DIP2A: variants seen among roughly 807,000 people sequenced by gnomAD.
DIP2A encodes the protein disco-interacting protein 2 homolog A.
A neutral mutation model predicts 177.4 loss-of-function variants in DIP2A; 85 were observed. The ratio of observed to expected loss-of-function variants is 0.48; its 90% CI spans 0.40 to 0.57. The LOEUF is 0.57. Among genes scored for constraint, DIP2A ranks in the 20% least tolerant of loss-of-function variants. The pLI, the probability that DIP2A is intolerant of heterozygous loss-of-function variation, is 0.00. For missense variants in DIP2A, 1,791 were observed against 2,100.2 expected (o/e 0.85, Z 2.88); for synonymous variants, 886 against 881.8 (o/e 1.00, Z -0.08).
chr21:46,512,207 C>T (rs935175869), intron 8 of DIP2A, among the ~76,000 whole-genome samples: 2 of 152,138 alleles, frequency 1.3e-5, no homozygotes, highest in African/African-American at 4.8e-5. Context: ...TACTTACACA[C>T]TCTTAAGTAG....
downstream of DIP2A, among the ~76,000 whole-genome samples, chr21:46,571,454 A>G (rs1317484729): frequency 6.6e-6 from 1 of 152,194 alleles, no homozygotes; most frequent in African/African-American, 2.4e-5. Flanking sequence ...TGGTAGCTTG[A>G]TGGGGATAGC....
In DIP2A at chr21:46,539,929, G is replaced by A; in HGVS notation, c.1974G>A (p.Leu658=). The A allele has an allele frequency of 1.2e-6, 2 of 1,614,062 alleles. No homozygotes were observed. Among genetic ancestry groups the A allele is most frequent in the Non-Finnish European group, 1.7e-6 (2 of 1,179,898 alleles). ...AFLNVFQSRG[L]RPEVICPCAS... ...TCAACGTCTTCCAGTCCAGAGGTCTGAGGCCAGAGGTCATCTGTCCTTGTG... is the reference window on the plus strand; with the variant it reads ...TCAACGTCTTCCAGTCCAGAGGTCTAAGGCCAGAGGTCATCTGTCCTTGTG... The change falls in exon 17 of 38, where the codon CTG becomes CTA. Residue 658 remains leucine, a synonymous_variant. Transcript: ENST00000417564.
intron 25 of DIP2A, 127 bp downstream of exon 25, chr21:46,552,031 C>T (rs1028739952): frequency 1.8e-6 from 2 of 1,108,824 alleles, no homozygotes; most frequent in East Asian, 2.6e-5. Flanking sequence ...CCTGTGGACT[C>T]AGCCCCCGTC....
intron 7 of DIP2A, among the ~76,000 whole-genome samples, chr21:46,509,922 A>G (rs34590323): frequency 0.48 from 72,856 of 151,906 alleles, 18,372 homozygotes; most frequent in African/African-American, 0.63. Flanking sequence ...GACACTGCTG[A>G]CAGCCGACCA....
In DIP2A at chr21:46,557,780, G is replaced by T; in HGVS notation, c.3798+27G>T. ...TGAGTGCCCAGACCCGGGCTTCTGA[G>T]TGTGCTGCAGACCACAGCCCTGGGA... is the stretch of plus-strand genomic sequence containing the variant. On this transcript the variant is annotated intron_variant, in intron 31 of 37. Transcript: ENST00000417564. This position sits in a 1 kb window ranked among gnomAD's most constrained non-coding sequence, Gnocchi z 6.0. The T allele has an allele frequency of 6.3e-7, 1 of 1,593,538 alleles. No homozygotes were observed. The highest frequency in any genetic ancestry group is 8.6e-7 in the Non-Finnish European group (1 of 1,163,504).
At position 46,545,853 on chromosome 21, in the gene DIP2A, T is replaced by G. The variant is rs144135274; in HGVS notation, c.2314-28T>G. ...GCCAGTTGGTTGGTTGTCCACAGCC[T>G]GATCGTGCCCCTCTCCACTTTGTGC... On this transcript the variant is annotated intron_variant, in intron 19 of 37. Transcript: ENST00000417564. 1,099 of 1,610,010 alleles carry G rather than the reference T, an allele frequency of 6.8e-4. 4 individuals are homozygous for G. The African/African-American group carries it at 0.013, about 19-fold the overall frequency.
intron 1 of DIP2A, among the ~76,000 whole-genome samples, chr21:46,479,767 A>T (rs1020776400): frequency 2.6e-5 from 4 of 152,166 alleles, no homozygotes; most frequent in African/African-American, 9.7e-5. Flanking sequence ...TCTTGGGCTC[A>T]AGCAGTCCTC....
chr21:46,578,690 C>A, the DIP2A span, among the ~76,000 whole-genome samples: 1 of 152,104 alleles, frequency 6.6e-6, no homozygotes, highest in East Asian at 1.9e-4. Flanking sequence ...TATTGAAGGC[C>A]TTTTCTGTGT....
chr21:46,503,946 G>A (rs1026658360), intron 5 of DIP2A, among the ~76,000 whole-genome samples: 10 of 152,136 alleles, frequency 6.6e-5, no homozygotes, highest in African/African-American at 2.2e-4. Context: ...GGCTGGTCTC[G>A]AACCCCTGAC....
intron 21 of DIP2A, among the ~76,000 whole-genome samples, chr21:46,547,732 T>C (rs1219526107): frequency 6.8e-6 from 1 of 147,928 alleles, no homozygotes; most frequent in Non-Finnish European, 1.5e-5. Context: ...TGCAGTAGTG[T>C]GACCATAACT....
At chr21:46,543,389 C>T (rs762139559) in intron 18 of DIP2A, among the ~76,000 whole-genome samples, 12 of 152,220 alleles carry the variant, frequency 7.9e-5, no homozygotes, top group Non-Finnish European at 1.5e-4. Flanking sequence ...TAGGACAGGA[C>T]ATGCGTGCAC....
intron 1 of DIP2A, among the ~76,000 whole-genome samples, chr21:46,467,486 G>A (rs567965263): frequency 1.3e-5 from 2 of 152,192 alleles, no homozygotes; most frequent in Non-Finnish European, 2.9e-5. Context: ...TCTTGCCTCA[G>A]TCTCTTGAAT....
chr21:46,554,483 C>G (rs36059970), intron 26 of DIP2A, 92 bp from the exon 27 acceptor site: 319,020 of 1,554,132 alleles, frequency 0.21, 34,876 homozygotes, highest in Admixed American at 0.27. Context: ...CCCCCAGCAC[C>G]ACCTCCCCTC....
chr21:46,471,813 C>T (rs887304295), intron 1 of DIP2A, among the ~76,000 whole-genome samples: 14 of 152,110 alleles, frequency 9.2e-5, no homozygotes, highest in African/African-American at 2.7e-4. Context: ...AGTGATCATG[C>T]GGGGGTTTCC....
At chr21:46,524,854 T>C (rs1036697056) in intron 8 of DIP2A, among the ~76,000 whole-genome samples, 6 of 150,626 alleles carry the variant, frequency 4.0e-5, no homozygotes, top group African/African-American at 1.2e-4. Flanking sequence ...TCTTTTCTTT[T>C]ATGATTTTTG....
At chr21:46,550,466 G>T in intron 22 of DIP2A, 77 bp from the exon 23 acceptor site, 1 of 1,397,550 alleles carries the variant, frequency 7.2e-7, no homozygotes, top group African/African-American at 1.4e-5. Flanking sequence ...CCACAGAGGG[G>T]ATGTTCCTGT....
chr21:46,459,111 C>G lies in DIP2A; in HGVS notation c.-21C>G. 1.0e-5 allele frequency: 15 copies of G among 1,473,338 alleles called. No individual in the cohort carries two copies. The South Asian group carries it at 1.7e-4, about 17-fold the overall frequency. 91.3% of individuals were successfully genotyped at this position (1,473,338 alleles called of 1,614,324 possible). On this transcript the variant is annotated 5_prime_UTR_variant, in exon 1 of 38. Transcript: ENST00000417564. Reference sequence around the variant, plus strand: ...GCCCGGTCCGGTTCCAGCCTCTGCCCGGACGCTAGCCGGCCTGGCCATGGC... The same window carrying G: ...GCCCGGTCCGGTTCCAGCCTCTGCCGGGACGCTAGCCGGCCTGGCCATGGC...
At position 46,495,520 on chromosome 21, in the gene DIP2A, G is replaced by A. The variant is rs530053956; in HGVS notation, c.284-1468G>A. Among the ~76,000 whole-genome samples, 23 of 151,572 alleles carry A rather than the reference G, an allele frequency of 1.5e-4. No homozygotes were observed. In the East Asian group the frequency reaches 3.9e-3, roughly 26 times the overall value. Reference sequence around the variant, plus strand: ...CGACCTCAGGGGATCCGCTCACCTCGGCCTCCCAAAGTGCTGGGATTACAG... The same window carrying A: ...CGACCTCAGGGGATCCGCTCACCTCAGCCTCCCAAAGTGCTGGGATTACAG... On this transcript the variant is annotated intron_variant, in intron 3 of 37. Transcript: ENST00000417564.
intron 8 of DIP2A, among the ~76,000 whole-genome samples, chr21:46,527,677 C>T (rs2059159189): frequency 6.6e-6 from 1 of 151,812 alleles, no homozygotes; most frequent in African/African-American, 2.4e-5. Context: ...TCACTTATTT[C>T]ATAGTGTTGC....
Sources: allele counts gnomAD v4.1 joint callset (sites outside exome capture counted in the v4.1 genomes callset), GRCh38; gene constraint gnomAD v4.1.1; non-coding constraint Gnocchi (gnomAD v3.1); transcripts MANE v1.5; gene names NCBI Gene and HGNC (gene_info 2026-07-23, HGNC 2026-07-21).